BRPF3: variants seen among roughly 807,000 people sequenced by gnomAD.
The protein encoded by BRPF3 is bromodomain and PHD finger-containing protein 3.
In BRPF3, 18 loss-of-function variants were observed where a neutral mutation model predicts 102.0. That is an observed-to-expected ratio of 0.18 (90% CI 0.12 to 0.26). The LOEUF (loss-of-function observed/expected upper bound fraction) is 0.26. Among genes scored for constraint, BRPF3 ranks in the 10% least tolerant of loss-of-function variants. The pLI is 1.00. For synonymous variants in BRPF3, 570 were observed against 614.2 expected (o/e 0.93, Z 1.06); for missense variants, 1,147 against 1,567.8 (o/e 0.73, Z 4.53).
rs114362035 is a variant in BRPF3, at chr6:36,228,335, C to T, written c.3280-567C>T. 3.5e-3 allele frequency among the ~76,000 whole-genome samples: 535 copies of T among 152,276 alleles called. 1 individual carries two copies. Among genetic ancestry groups the T allele is most frequent in the African/African-American group, 0.012 (484 of 41,556 alleles). On this transcript the variant is annotated intron_variant, in intron 11 of 12. Coordinates refer to ENST00000357641, the MANE Select transcript of BRPF3 (RefSeq NM_015695.3). ...AGCCAGGCAAGGTGGGGCTGGATGC[C>T]AGAAGCAAACCTGAAGGAGAAGGGC...
intron 12 of BRPF3, among the ~76,000 whole-genome samples, chr6:36,229,265 T>G (rs1026828964): frequency 2.6e-4 from 39 of 152,208 alleles, no homozygotes; most frequent in Admixed American, 2.2e-3. Flanking sequence ...GGTCGAGACT[T>G]GCATCAGGAG....
At chr6:36,228,662 A>G (rs1768826914) in intron 11 of BRPF3, among the ~76,000 whole-genome samples, 1 of 152,156 alleles carries the variant, frequency 6.6e-6, no homozygotes, top group Non-Finnish European at 1.5e-5. Flanking sequence ...GCCCCCAAAC[A>G]TTTGAGGTGA....
At position 36,214,349 on chromosome 6, in the gene BRPF3, C is replaced by T. The variant is rs745987510; in HGVS notation, c.2952C>T (p.Ser984=). Residue 984 remains serine, a synonymous_variant, in exon 8 of 13, where the codon AGC becomes AGT. Coordinates refer to ENST00000357641, the MANE Select transcript of BRPF3 (RefSeq NM_015695.3). ...KRPRSRSCSE[S]EGERSPQQEE... is the part of the protein sequence containing the mutation. ...CAAGGAGCAGGAGCTGTAGTGAGAG[C>T]GAAGGGGAGAGGTCCCCCCAGCAGG... 5.6e-6 allele frequency: 9 copies of T among 1,605,860 alleles called. No homozygotes were observed. Among genetic ancestry groups the T allele is most frequent in the South Asian group, 1.1e-5 (1 of 90,360 alleles).
At position 36,210,461 on chromosome 6, in the gene BRPF3, C is replaced by T. The variant is rs200875879; in HGVS notation, c.2112C>T (p.Pro704=). The change falls in exon 6 of 13, where the codon CCC becomes CCT. Residue 704 remains proline, a synonymous_variant. Transcript: ENST00000357641. The surrounding 1 kb of genome is among the most constrained non-coding windows in gnomAD (Gnocchi z 4.7). Reference sequence around the variant, plus strand: ...AGGCAGAGAACATCGGCTATGACCCCGAGAGGGGCACTCACCTGCCCGAGT... The same window carrying T: ...AGGCAGAGAACATCGGCTATGACCCTGAGAGGGGCACTCACCTGCCCGAGT... The part of the protein sequence containing the change: ...RRQAENIGYD[P]ERGTHLPESP... The T allele has an allele frequency of 4.4e-6, 7 of 1,607,970 alleles. No homozygotes were observed. Among genetic ancestry groups the T allele is most frequent in the East Asian group, 2.2e-5 (1 of 44,880 alleles).
intron 8 of BRPF3, among the ~76,000 whole-genome samples, chr6:36,215,810 A>G (rs560063343): frequency 2.6e-4 from 40 of 152,080 alleles, no homozygotes; most frequent in African/African-American, 9.6e-4. Context: ...AATGTGAAGG[A>G]CTTTGAATGC....
At chr6:36,229,280 T>C (rs772708125) in intron 12 of BRPF3, among the ~76,000 whole-genome samples, 1 of 152,196 alleles carries the variant, frequency 6.6e-6, no homozygotes, top group Non-Finnish European at 1.5e-5. Flanking sequence ...CAGGAGGCTA[T>C]TGAGGAGAGC....
intron 3 of BRPF3, among the ~76,000 whole-genome samples, chr6:36,206,540 A>G (rs939033531): frequency 1.3e-5 from 2 of 152,290 alleles, no homozygotes; most frequent in African/African-American, 4.8e-5. Context: ...GTTCTCCAGC[A>G]TCTCTGTTCT....
intron 4 of BRPF3, among the ~76,000 whole-genome samples, chr6:36,208,552 T>C (rs1276417197): frequency 1.3e-5 from 2 of 152,230 alleles, no homozygotes; most frequent in Non-Finnish European, 2.9e-5. Flanking sequence ...CAACCCCTTT[T>C]CTAGCAGGCC....
At position 36,212,785 on chromosome 6, in the gene BRPF3, C is replaced by A. The variant is rs372473890; in HGVS notation, c.2483-1095C>A. On this transcript the variant is annotated intron_variant, in intron 7 of 12. Transcript: ENST00000357641. ...TGGCTAACAAGGTGAAACCCCGTCT[C>A]TACTAAAAATACAAAAAATTAGCCG... 6.6e-5 allele frequency among the ~76,000 whole-genome samples: 10 copies of A among 151,678 alleles called. No individual in the cohort carries two copies. In the East Asian group the frequency reaches 1.7e-3, roughly 27 times the overall value.
Position 36,207,442 on chromosome 6 carries a change from C to T in BRPF3, c.1735C>T (p.Gln579Ter). 1 of 1,613,878 alleles carries T rather than the reference C, an allele frequency of 6.2e-7. No homozygotes were observed. ...GAAGAGAGAGAAGCTCAAACGAGAG[C>T]AGGTAAGGAGGAGCCCCCAGCCCTA... ...IRKREKLKRE[Q>*]VKVQQAAMEL... Residue 579 changes from glutamine to a stop codon, truncating the protein, a stop_gained and splice_region_variant, in exon 4 of 13, where the codon CAG (glutamine) becomes TAG (stop). Transcript: ENST00000357641. LOFTEE classifies it high-confidence loss of function.
chr6:36,197,091 G>C (rs1206708614), intron 1 of BRPF3, 121 bp downstream of exon 1: 1 of 152,178 alleles, frequency 6.6e-6, no homozygotes, highest in Non-Finnish European at 1.5e-5. Flanking sequence ...GGGCGGGGGC[G>C]GTGCGAAAGC....
intron 11 of BRPF3, among the ~76,000 whole-genome samples, chr6:36,227,611 C>T (rs1768785266): frequency 6.6e-6 from 1 of 152,178 alleles, no homozygotes; most frequent in East Asian, 1.9e-4. Flanking sequence ...AGGCAGGAAC[C>T]AGCATGCCTT....
chr6:36,201,411 G>A lies in BRPF3; in HGVS notation c.1089G>A (p.Glu363=). Residue 363 remains glutamate (E), a synonymous_variant, in exon 2 of 13, where the codon GAG becomes GAA. Transcript: ENST00000357641. The surrounding 1 kb of genome is among the most constrained non-coding windows in gnomAD (Gnocchi z 5.1). ...GGGCTGGGCTCTTCATGAAGATTGA[G>A]CCCATGCGCGAAACCAGCCTCAATG... ...AQRAGLFMKI[E]PMRETSLNGT... is the part of the protein sequence containing the mutation. 1 of 1,614,214 alleles carries A rather than the reference G, an allele frequency of 6.2e-7. No individual in the cohort carries two copies. The highest frequency in any genetic ancestry group is 1.1e-5 in the South Asian group (1 of 91,082).
intron 2 of BRPF3, among the ~76,000 whole-genome samples, chr6:36,202,717 A>G (rs1277263225): frequency 6.6e-6 from 1 of 152,168 alleles, no homozygotes; most frequent in South Asian, 2.1e-4. Flanking sequence ...TCATTCAATG[A>G]TATATTTATT....
Position 36,201,614 on chromosome 6 carries a change from A to G in BRPF3, c.1292A>G (p.Gln431Arg), listed in dbSNP as rs369791645. 4.7e-5 allele frequency: 76 copies of G among 1,614,190 alleles called. 1 individual carries two copies. The South Asian group carries it at 4.7e-4, about 10-fold the overall frequency. Residue 431 changes from glutamine (Q) to arginine (R), a missense_variant, in exon 2 of 13, where the codon CAG (glutamine) becomes CGG (arginine). Physicochemically the swap from Gln to Arg is conservative, Grantham distance 43 (BLOSUM62 1). This residue lies in a region of BRPF3 where 157 missense variants were observed against 163.6 expected (regional missense o/e 0.96). Coordinates refer to ENST00000357641, the MANE Select transcript of BRPF3 (RefSeq NM_015695.3). This position sits in a 1 kb window ranked among gnomAD's most constrained non-coding sequence, Gnocchi z 5.1. ...EEEEEVEEEE[Q>R]EAQGGVSGSL... ...GAGGAAGAGGTGGAGGAAGAAGAGC[A>G]GGAAGCTCAAGGCGGGGTGAGTGGC... is the stretch of plus-strand genomic sequence containing the variant.
intron 9 of BRPF3, 23 bp downstream of exon 9, chr6:36,218,033 T>C: frequency 6.3e-7 from 1 of 1,599,510 alleles, no homozygotes; most frequent in Non-Finnish European, 8.5e-7. Flanking sequence ...TCCCAAAGCT[T>C]TGTCAGCAGC....
chr6:36,225,218 C>A, intron 10 of BRPF3, 49 bp from the exon 11 acceptor site: 1 of 1,535,772 alleles, frequency 6.5e-7, no homozygotes, highest in Non-Finnish European at 8.9e-7. Context: ...TTTTGGGCAC[C>A]ATTCCAAGTC....
At chr6:36,215,718 G>T (rs1768306304) in intron 8 of BRPF3, among the ~76,000 whole-genome samples, 1 of 152,156 alleles carries the variant, frequency 6.6e-6, no homozygotes, top group Non-Finnish European at 1.5e-5. Context: ...GAACAAGGAG[G>T]ACAGAATCTC....
chr6:36,197,768 G>A (rs561508122), intron 1 of BRPF3: 1 of 152,252 alleles, frequency 6.6e-6, no homozygotes, highest in Non-Finnish European at 1.5e-5. Context: ...AGCTCCTTGT[G>A]GGCGAAACTC....
Sources: gnomAD v4.1 joint callset for allele counts (sites outside exome capture counted in the v4.1 genomes callset) on GRCh38, gnomAD v4.1.1 for gene constraint, gnomAD v4.1.1 regional missense constraint, Gnocchi (gnomAD v3.1) non-coding constraint, MANE v1.5 for transcripts, NCBI Gene and HGNC (gene_info 2026-07-23, HGNC 2026-07-21) for gene names.